The following NCKAP1 variants were observed in gnomAD, a reference collection of about 807,000 sequenced individuals.
NCKAP1 encodes the protein NCK associated protein 1, also known as nck-associated protein 1.
A neutral mutation model predicts 151.2 loss-of-function variants in NCKAP1; 21 were observed. The observed-to-expected ratio is 0.14, with a 90% CI of 0.10 to 0.20. The LOEUF (loss-of-function observed/expected upper bound fraction) is 0.20, where lower values mean the gene tolerates loss of function less well. NCKAP1 is among the 10% of genes least tolerant of loss of function. The probability of loss-of-function intolerance (pLI) is 1.00; values close to 1 mark genes in which losing one functional copy is unlikely to be tolerated. For missense variants in NCKAP1, 933 were observed against 1,352.1 expected, an observed-to-expected ratio of 0.69 and a Z score of 4.86; for synonymous variants, 484 against 451.8, an observed-to-expected ratio of 1.07 and a Z score of -0.90.
chr2:182,962,223 A>G lies in NCKAP1; in HGVS notation c.1817T>C (p.Met606Thr), dbSNP rs774111705. 3.1e-6 allele frequency: 5 copies of G among 1,612,520 alleles called. No individual in the cohort carries two copies. The South Asian group carries it at 5.5e-5, about 18-fold the overall frequency. Residue 606 changes from methionine (M) to threonine (T), a missense_variant, in exon 18 of 31, where the codon ATG becomes ACG. Met to Thr is a moderately conservative substitution (Grantham distance 81, BLOSUM62 -1). Coordinates refer to ENST00000361354, the MANE Select transcript of NCKAP1 (RefSeq NM_013436.5). ...LSLCNMFLDEMAKQARNLITD... is the reference protein window; with the variant it reads ...LSLCNMFLDETAKQARNLITD... ...GATGAGATTTCGAGCTTGTTTGGCC[A>G]TTTCATCTAGGAACATATTACATAA...
In NCKAP1 at chr2:183,023,930, G is replaced by A. The variant is rs761898647; in HGVS notation, c.109-14C>T. 4.7e-5 allele frequency: 72 copies of A among 1,539,188 alleles called. No homozygotes were observed. The highest frequency in any genetic ancestry group is 5.9e-5 in the Non-Finnish European group (67 of 1,134,214). On this transcript the variant is annotated splice_polypyrimidine_tract_variant and intron_variant, in intron 1 of 30. Coordinates refer to ENST00000361354, the MANE Select transcript of NCKAP1 (RefSeq NM_013436.5). ...GTCTCCACATGCCTATAAAACAACAGTAATAAAAAAAAGTGAAATGCACCC... is the reference window on the plus strand; with the variant it reads ...GTCTCCACATGCCTATAAAACAACAATAATAAAAAAAAGTGAAATGCACCC...
intron 15 of NCKAP1, among the ~76,000 whole-genome samples, chr2:182,974,861 A>C (rs1697773708): frequency 6.6e-6 from 1 of 151,528 alleles, no homozygotes; most frequent in Non-Finnish European, 1.5e-5. Context: ...TGCTCTTATA[A>C]AAATCTTAAA....
intron 12 of NCKAP1, 24 bp downstream of exon 12, chr2:182,982,797 T>C (rs1234977406): frequency 2.7e-6 from 4 of 1,477,598 alleles, no homozygotes; most frequent in Non-Finnish European, 2.8e-6. Flanking sequence ...ACAGAAAATA[T>C]TTTTTTAAAT....
At chr2:182,945,945 T>A (rs920979976) in intron 23 of NCKAP1, among the ~76,000 whole-genome samples, 1 of 152,092 alleles carries the variant, frequency 6.6e-6, no homozygotes, top group Non-Finnish European at 1.5e-5. Flanking sequence ...AAAGAAAATG[T>A]GGTACATATA....
chr2:182,967,191 A>G, intron 16 of NCKAP1, 25 bp downstream of exon 16: 1 of 1,583,210 alleles, frequency 6.3e-7, no homozygotes, highest in Non-Finnish European at 8.6e-7. Flanking sequence ...TTTCAAATCC[A>G]GATTTAGAGA....
intron 18 of NCKAP1, among the ~76,000 whole-genome samples, chr2:182,958,878 T>C (rs2105829064): frequency 6.6e-6 from 1 of 152,346 alleles, no homozygotes; most frequent in East Asian, 1.9e-4. Context: ...CAAATTCAGC[T>C]GTGTTATAAG....
Position 183,037,993 on chromosome 2 carries a change from T to C in NCKAP1, c.107A>G (p.Lys36Arg). The change falls in exon 1 of 31, where the codon AAG becomes AGG. Residue 36 changes from lysine to arginine, a missense_variant and splice_region_variant. Around this residue, in one of 2 missense-constraint regions of NCKAP1, gnomAD observed 607 missense variants for 795.0 expected, o/e 0.76. Coordinates refer to ENST00000361354, the MANE Select transcript of NCKAP1 (RefSeq NM_013436.5). The part of the protein sequence containing the change: ...GMLTRLYNIK[K>R]ACGDPKAKPS... ...GCGGCCTCCCCGGCCCGTGCGCACC[T>C]TCTTGATGTTGTAGAGGCGGGTGAG... is the stretch of plus-strand genomic sequence containing the variant. The C allele has an allele frequency of 2.5e-6, 4 of 1,578,292 alleles. No homozygotes were observed. The highest frequency in any genetic ancestry group is 3.4e-6 in the Non-Finnish European group (4 of 1,168,820).
chr2:183,032,699 GCTC>G (rs1199354598), intron 1 of NCKAP1, among the ~76,000 whole-genome samples: 1 of 152,122 alleles, frequency 6.6e-6, no homozygotes, highest in South Asian at 2.1e-4. Context: ...TTATACAGAT[GCTC>G]CTCAACTTAA....
intron 20 of NCKAP1, among the ~76,000 whole-genome samples, chr2:182,954,943 A>G (rs747155670): frequency 7.2e-5 from 11 of 152,176 alleles, no homozygotes; most frequent in Non-Finnish European, 1.6e-4. Context: ...AAGGAAAACA[A>G]GGGAGCTGTA....
Position 182,981,253 on chromosome 2 carries a change from T to G in NCKAP1, c.1332A>C (p.Glu444Asp), listed in dbSNP as rs1697931680. The part of the protein sequence containing the change: ...LSGFDAVVLN[E>D]LVQNLSVCPE... ...ATGAGATAGTTTTTACCTGCACGAG[T>G]TCATTGAGGACAACAGCATCAAAGC... Residue 444 changes from glutamate to aspartate, a missense_variant, in exon 13 of 31, where the codon GAA (glutamate) becomes GAC (aspartate). Physicochemically the swap from Glu to Asp is conservative, Grantham distance 45. Transcript: ENST00000361354. The G allele has an allele frequency of 1.9e-6, 3 of 1,613,162 alleles. No individual in the cohort carries two copies. The highest frequency in any genetic ancestry group is 1.7e-5 in the Admixed American group (1 of 59,928).
At chr2:182,977,348 G>C (rs1263332344) in intron 14 of NCKAP1, among the ~76,000 whole-genome samples, 1 of 152,004 alleles carries the variant, frequency 6.6e-6, no homozygotes, top group African/African-American at 2.4e-5. Flanking sequence ...AAATTAGCTG[G>C]GTGTGGTGGT....
chr2:182,962,707 T>C (rs533619068), intron 17 of NCKAP1, among the ~76,000 whole-genome samples: 1 of 152,046 alleles, frequency 6.6e-6, no homozygotes, highest in Admixed American at 6.5e-5. Flanking sequence ...GGCATAACTT[T>C]GTATAAACAG....
At chr2:183,030,566 A>G (rs908320078) in intron 1 of NCKAP1, among the ~76,000 whole-genome samples, 5 of 152,198 alleles carry the variant, frequency 3.3e-5, no homozygotes, top group African/African-American at 1.2e-4. Flanking sequence ...AATGTCAAGG[A>G]TGAGGAGAAA....
chr2:182,956,126 T>G (rs552876775), intron 20 of NCKAP1, among the ~76,000 whole-genome samples: 6 of 152,152 alleles, frequency 3.9e-5, no homozygotes, highest in Non-Finnish European at 8.8e-5. Flanking sequence ...ACTGCAAGTG[T>G]GTCTCCCGGG....
chr2:182,990,650 G>A (rs1172598477), intron 8 of NCKAP1, among the ~76,000 whole-genome samples: 1 of 152,080 alleles, frequency 6.6e-6, no homozygotes, highest in Admixed American at 6.5e-5. Flanking sequence ...ACAAGGTTCT[G>A]TAGTGGGCCA....
At position 182,928,697 on chromosome 2, in the gene NCKAP1, AG is replaced by A. The variant is rs1361513480; in HGVS notation, c.3070+85del. ...ACTACCCCATGTTCCACTGCCAGTT[AG>A]TGGCAGAACTTAACTCATATTTTAT... On this transcript the variant is annotated intron_variant, in intron 28 of 30. Coordinates refer to ENST00000361354, the MANE Select transcript of NCKAP1 (RefSeq NM_013436.5). The A allele has an allele frequency of 1.1e-5, 9 of 852,022 alleles. No individual in the cohort carries two copies. In the Admixed American group the frequency reaches 1.1e-4, roughly 10 times the overall value. The allele number at this position is 852,022 out of a possible 1,614,324, so 52.8% of individuals were successfully genotyped here. A position where few individuals can be genotyped will look rare whatever the true frequency, so the allele number is the denominator to read the frequency against.
In NCKAP1 at chr2:182,924,148, T is replaced by C. The variant is rs1383964687; in HGVS notation, c.*1554A>G. 1 of 152,210 alleles carries C rather than the reference T, an allele frequency of 6.6e-6. No individual in the cohort carries two copies. Among genetic ancestry groups the C allele is most frequent in the Non-Finnish European group, 1.5e-5 (1 of 68,026 alleles). 9.4% of individuals were successfully genotyped at this position (152,210 alleles called of 1,614,324 possible). A position where few individuals can be genotyped will look rare whatever the true frequency, so the allele number is the denominator to read the frequency against. On this transcript the variant is annotated 3_prime_UTR_variant, in exon 31 of 31. Transcript: ENST00000361354. ...AATTTCCCTTTTTAAAAAATCTTTA[T>C]GGAACAAGTACAATTTTTCGACAGA...
At chr2:183,033,665 T>C (rs1157068070) in intron 1 of NCKAP1, among the ~76,000 whole-genome samples, 3 of 152,230 alleles carry the variant, frequency 2.0e-5, no homozygotes, top group Admixed American at 2.0e-4. Flanking sequence ...GCTCATATGA[T>C]GGCTTATAAA....
intron 20 of NCKAP1, 84 bp from the exon 21 acceptor site, chr2:182,953,415 A>G: frequency 1.2e-6 from 1 of 807,780 alleles, no homozygotes; most frequent in Non-Finnish European, 1.9e-6. Context: ...CTGTTATCTA[A>G]TATTAAACAA....
Sources: allele counts gnomAD v4.1 joint callset (sites outside exome capture counted in the v4.1 genomes callset), GRCh38; gene constraint gnomAD v4.1.1; regional missense constraint gnomAD v4.1.1; transcripts MANE v1.5; gene names NCBI Gene and HGNC (gene_info 2026-07-23, HGNC 2026-07-21).